ZNF490: variants seen among roughly 807,000 people sequenced by gnomAD.
ZNF490 encodes the protein zinc finger protein 490.
Under a neutral mutation model 17.7 loss-of-function variants are expected in ZNF490, and 11 were observed. That is an observed-to-expected ratio of 0.62 (90% CI 0.39 to 1.03). The LOEUF (loss-of-function observed/expected upper bound fraction) is 1.03, where lower values mean the gene tolerates loss of function less well. ZNF490 is among the 50% of genes least tolerant of loss of function. ZNF490 has a pLI of 0.00. For synonymous variants in ZNF490, 222 were observed against 216.1 expected, an observed-to-expected ratio of 1.03 and a Z score of -0.24; for missense variants, 542 against 643.4, an observed-to-expected ratio of 0.84 and a Z score of 1.71.
At position 12,578,226 on chromosome 19, in the gene ZNF490, T is replaced by A. The variant is rs2022672000; in HGVS notation, c.*2259A>T. The A allele has an allele frequency of 1.7e-5, 17 of 985,388 alleles. No individual in the cohort carries two copies. Among genetic ancestry groups the A allele is most frequent in the Non-Finnish European group, 2.0e-5 (17 of 829,994 alleles). The allele number at this position is 985,388 out of a possible 1,614,324, so 61.0% of individuals were successfully genotyped here. On this transcript the variant is annotated 3_prime_UTR_variant, in exon 5 of 5. Coordinates refer to ENST00000311437, the MANE Select transcript of ZNF490 (RefSeq NM_020714.3). ...GCATATGCCGCTGAATATCTCAGGGTAGAATGTGCCAGAAAACAGGGAAAG... is the reference window on the plus strand; with the variant it reads ...GCATATGCCGCTGAATATCTCAGGGAAGAATGTGCCAGAAAACAGGGAAAG...
At chr19:12,597,113 C>T (rs922882150) in intron 2 of ZNF490, 2 of 461,288 alleles carry the variant, frequency 4.3e-6, no homozygotes, top group Admixed American at 4.7e-5. Context: ...CAAGTCCCCT[C>T]CTCAGGTCTC....
chr19:12,576,835 A>G lies in ZNF490; in HGVS notation c.*3650T>C, dbSNP rs940438444. ...TCTCAAAAAAAAAAAAAAAAAAAAA[A>G]ACCTAAAAGCATTCCATATTTAAAA... On this transcript the variant is annotated 3_prime_UTR_variant, in exon 5 of 5. Coordinates refer to ENST00000311437, the MANE Select transcript of ZNF490 (RefSeq NM_020714.3). Among the ~76,000 whole-genome samples the G allele has an allele frequency of 6.6e-6, 1 of 150,984 alleles. No homozygotes were observed. The highest frequency in any genetic ancestry group is 1.5e-5 in the Non-Finnish European group (1 of 67,794).
At position 12,576,659 on chromosome 19, in the gene ZNF490, C is replaced by CA. The variant is rs1005076796; in HGVS notation, c.*3825dup. Among the ~76,000 whole-genome samples the CA allele has an allele frequency of 1.4e-5, 2 of 143,056 alleles. No individual in the cohort carries two copies. Among genetic ancestry groups the CA allele is most frequent in the South Asian group, 2.3e-4 (1 of 4,394 alleles). The allele number at this position is 143,056 out of a possible 152,430, so 93.9% of individuals were successfully genotyped here. A position where few individuals can be genotyped will look rare whatever the true frequency, so the allele number is the denominator to read the frequency against. On this transcript the variant is annotated 3_prime_UTR_variant, in exon 5 of 5. Transcript: ENST00000311437. ...TGAAACCCCATCTCTACTAAAAATA[C>CA]AAAAAAATTTAGCTGGTTGTGGTGG...
intron 3 of ZNF490, 69 bp downstream of exon 3, chr19:12,583,361 G>T: frequency 6.7e-7 from 1 of 1,488,164 alleles, no homozygotes; most frequent in Non-Finnish European, 9.0e-7. Flanking sequence ...TTAAACCTTG[G>T]AACTCAGTTG....
intron 3 of ZNF490, 79 bp from the exon 4 acceptor site, chr19:12,582,989 G>T: frequency 8.5e-7 from 1 of 1,181,570 alleles, no homozygotes; most frequent in Non-Finnish European, 1.2e-6. Context: ...TCCATGATTA[G>T]CTATTGATTA....
At chr19:12,589,284 G>A (rs925498586) in intron 2 of ZNF490, among the ~76,000 whole-genome samples, 4 of 152,180 alleles carry the variant, frequency 2.6e-5, no homozygotes, top group African/African-American at 9.7e-5. Flanking sequence ...TTGAACCCAG[G>A]AGGCAGAGGT....
intron 2 of ZNF490, among the ~76,000 whole-genome samples, chr19:12,595,319 A>C (rs1425906721): frequency 1.3e-5 from 2 of 151,972 alleles, no homozygotes; most frequent in Non-Finnish European, 2.9e-5. Context: ...TTTTTAGTAG[A>C]GAAGGGGGTT....
rs1414765681 is a variant in ZNF490 at position 12,585,586 on chromosome 19, T to C, written c.163-2030A>G. Among the ~76,000 whole-genome samples the C allele has an allele frequency of 7.5e-5, 7 of 93,622 alleles. 3 individuals are homozygous for C. Among genetic ancestry groups the C allele is most frequent in the Admixed American group, 7.0e-4 (7 of 9,990 alleles). 61.4% of individuals were successfully genotyped at this position (93,622 alleles called of 152,430 possible). A position where few individuals can be genotyped will look rare whatever the true frequency, so the allele number is the denominator to read the frequency against. On this transcript the variant is annotated intron_variant, in intron 2 of 4. Coordinates refer to ENST00000311437, the MANE Select transcript of ZNF490 (RefSeq NM_020714.3). ...GACCAAACAAATGTCTTTCTTATCATAGCAAAGAACATCATGGCTCGGGGC... is the reference window on the plus strand; with the variant it reads ...GACCAAACAAATGTCTTTCTTATCACAGCAAAGAACATCATGGCTCGGGGC...
chr19:12,608,965 A>G (rs2145170964), intron 2 of ZNF490, among the ~76,000 whole-genome samples, 193 bp downstream of exon 2: 1 of 152,276 alleles, frequency 6.6e-6, no homozygotes, highest in East Asian at 1.9e-4. Context: ...CAATGAAGGT[A>G]AGGGACAATG....
intron 2 of ZNF490, among the ~76,000 whole-genome samples, chr19:12,588,187 T>C (rs184330526): frequency 6.6e-6 from 1 of 151,346 alleles, no homozygotes. Context: ...TTAGTAGAGA[T>C]AGGGTTTCAC....
chr19:12,581,823 C>T (rs1353415383), intron 4 of ZNF490, 99 bp from the exon 5 acceptor site: 1 of 1,143,712 alleles, frequency 8.7e-7, no homozygotes, highest in East Asian at 2.5e-5. Context: ...TTCACAGAAA[C>T]TGTATGTTAT....
At chr19:12,596,585 C>T (rs1476782270) in intron 2 of ZNF490, among the ~76,000 whole-genome samples, 1 of 152,070 alleles carries the variant, frequency 6.6e-6, no homozygotes, top group Non-Finnish European at 1.5e-5. Context: ...GAGGCTGAGG[C>T]GGGAGGATCG....
intron 2 of ZNF490, among the ~76,000 whole-genome samples, chr19:12,596,994 A>G (rs754172723): frequency 2.0e-5 from 3 of 152,046 alleles, no homozygotes; most frequent in Non-Finnish European, 4.4e-5. Context: ...AATCGCAGGG[A>G]CGGGACAGAA....
chr19:12,599,139 C>CAAAAAAAAAAAAAAAAAAAAAAGA (rs2022971423), intron 2 of ZNF490, among the ~76,000 whole-genome samples: 1 of 68,632 alleles, frequency 1.5e-5, no homozygotes, highest in Non-Finnish European at 2.4e-5. Flanking sequence ...GACTCTGTCT[C>CAAAAAAAAAAAAAAAAAAAAAAGA]AAAAAAAAAA....
chr19:12,577,853 C>T lies in ZNF490; in HGVS notation c.*2632G>A, dbSNP rs2022666549. 1 of 985,374 alleles carries T rather than the reference C, an allele frequency of 1.0e-6. No individual in the cohort carries two copies. Among genetic ancestry groups the T allele is most frequent in the Non-Finnish European group, 1.2e-6 (1 of 830,032 alleles). 61.0% of individuals were successfully genotyped at this position (985,374 alleles called of 1,614,324 possible). On this transcript the variant is annotated 3_prime_UTR_variant, in exon 5 of 5. Coordinates refer to ENST00000311437, the MANE Select transcript of ZNF490 (RefSeq NM_020714.3). ...GGTTTCCCTCAATGCTGCCACCTCC[C>T]TTCTAAAACACACTGACTTGCTAAG...
At chr19:12,603,565 G>C (rs1428931801) in intron 2 of ZNF490, among the ~76,000 whole-genome samples, 1 of 152,024 alleles carries the variant, frequency 6.6e-6, no homozygotes, top group African/African-American at 2.4e-5. Context: ...GCCAAGGTAG[G>C]TGGATGCTTG....
Position 12,576,450 on chromosome 19 carries a change from G to A in ZNF490, c.*4035C>T, listed in dbSNP as rs190208420. Among the ~76,000 whole-genome samples the A allele has an allele frequency of 1.6e-4, 25 of 151,806 alleles. 1 individual carries two copies. Among genetic ancestry groups the A allele is most frequent in the African/African-American group, 4.6e-4 (19 of 41,376 alleles). ...GAACCTGGGAGGCAGAGATTGCAGT[G>A]AGCCGAGATCATGCCACTGCAGTCC... On this transcript the variant is annotated 3_prime_UTR_variant, in exon 5 of 5. Coordinates refer to ENST00000311437, the MANE Select transcript of ZNF490 (RefSeq NM_020714.3).
rs543585549 is a variant in ZNF490, at chr19:12,598,764, G to A, written c.162+10394C>T. Among the ~76,000 whole-genome samples, 44 of 151,330 alleles carry A rather than the reference G, an allele frequency of 2.9e-4. No homozygotes were observed. In the East Asian group the frequency reaches 3.6e-3, roughly 12 times the overall value. On this transcript the variant is annotated intron_variant, in intron 2 of 4. Coordinates refer to ENST00000311437, the MANE Select transcript of ZNF490 (RefSeq NM_020714.3). ...AGCACTTTGGGAGGCTGAGGCAGGC[G>A]GATCATGAGGTCAGGAGTTCGAGAC...
intron 4 of ZNF490, 35 bp downstream of exon 4, chr19:12,582,815 C>T (rs745426111): frequency 1.0e-5 from 15 of 1,467,156 alleles, no homozygotes; most frequent in Admixed American, 3.4e-5. Context: ...AAGATTCTCT[C>T]AGGGGCTATA....
Sources: gnomAD v4.1 joint callset for allele counts (sites outside exome capture counted in the v4.1 genomes callset) on GRCh38, gnomAD v4.1.1 for gene constraint, MANE v1.5 for transcripts, NCBI Gene and HGNC (gene_info 2026-07-23, HGNC 2026-07-21) for gene names.